Variants in SPRED1 observed in about 807,000 individuals in gnomAD.
SPRED1 encodes the protein sprouty-related, EVH1 domain-containing protein 1.
Under a neutral mutation model 52.3 loss-of-function variants are expected in SPRED1, and 18 were observed. The ratio of observed to expected loss-of-function variants is 0.34; its 90% CI spans 0.24 to 0.51. SPRED1 has a LOEUF of 0.51. SPRED1 is among the 20% of genes least tolerant of loss of function. The pLI is 0.97. For missense variants in SPRED1, 485 were observed against 551.0 expected, an observed-to-expected ratio of 0.88 and a Z score of 1.20; for synonymous variants, 155 against 179.7, an observed-to-expected ratio of 0.86 and a Z score of 1.10.
At chr15:38,347,799 CTT>C (rs35708691) in intron 5 of SPRED1, among the ~76,000 whole-genome samples, 3,268 of 152,072 alleles carry the variant, frequency 0.021, 51 homozygotes, top group Non-Finnish European at 0.033. Context: ...AGAAGCATCT[CTT>C]ATGACTTTTT....
At chr15:38,345,389 T>C (rs555380784) in intron 5 of SPRED1, among the ~76,000 whole-genome samples, 7 of 152,344 alleles carry the variant, frequency 4.6e-5, no homozygotes, top group African/African-American at 1.4e-4. Context: ...ACTATGTCTT[T>C]TGAATGTTTA....
chr15:38,337,119 G>C (rs1048622277), intron 4 of SPRED1, among the ~76,000 whole-genome samples: 3 of 152,012 alleles, frequency 2.0e-5, no homozygotes, highest in African/African-American at 7.2e-5. Flanking sequence ...TATTAAAATT[G>C]CTTTCCAGAA....
chr15:38,280,727 A>T (rs1376812645), intron 1 of SPRED1, among the ~76,000 whole-genome samples: 1 of 152,214 alleles, frequency 6.6e-6, no homozygotes, highest in Non-Finnish European at 1.5e-5. Context: ...TTGCCAAACC[A>T]CAATTTAGAA....
At chr15:38,259,457 G>A (rs964198687) in intron 1 of SPRED1, among the ~76,000 whole-genome samples, 2 of 152,082 alleles carry the variant, frequency 1.3e-5, no homozygotes, top group African/African-American at 4.8e-5. Context: ...TCCTGCCCAG[G>A]CTGGTCTCAA....
chr15:38,339,657 T>C (rs1410883181), intron 4 of SPRED1, 80 bp from the exon 5 acceptor site: 5 of 1,465,802 alleles, frequency 3.4e-6, no homozygotes, highest in Middle Eastern at 1.7e-4. Context: ...CTAAATACTT[T>C]TTAGAGTGAA....
chr15:38,318,062 T>C (rs1389818231), intron 2 of SPRED1, among the ~76,000 whole-genome samples: 1 of 152,084 alleles, frequency 6.6e-6, no homozygotes, highest in Non-Finnish European at 1.5e-5. Flanking sequence ...TAGACTGTTC[T>C]AGGAGGCATA....
chr15:38,345,211 A>G (rs1896108430), intron 5 of SPRED1, among the ~76,000 whole-genome samples: 1 of 152,170 alleles, frequency 6.6e-6, no homozygotes, highest in African/African-American at 2.4e-5. Flanking sequence ...CAAATAATTG[A>G]GTTTAAGAAA....
At chr15:38,289,117 G>T (rs1226899266) in intron 1 of SPRED1, among the ~76,000 whole-genome samples, 1 of 151,866 alleles carries the variant, frequency 6.6e-6, no homozygotes, top group Admixed American at 6.6e-5. Flanking sequence ...GCTAAAACAA[G>T]TTTTGCCATG....
Position 38,283,584 on chromosome 15 carries a change from A to G in SPRED1, c.33-15789A>G, listed in dbSNP as rs150437889. 826 of 746,526 alleles carry G rather than the reference A, an allele frequency of 1.1e-3. 9 individuals are homozygous for G. In the African/African-American group the frequency reaches 0.015, roughly 14 times the overall value. The allele number at this position is 746,526 out of a possible 1,614,324, so 46.2% of individuals were successfully genotyped here. On this transcript the variant is annotated intron_variant, in intron 1 of 6. Transcript: ENST00000299084. Reference sequence around the variant, plus strand: ...CATAGAAAATTGTAGAAAATGAAAAATATAATTGATGGAGAATATTTACTT... The same window carrying G: ...CATAGAAAATTGTAGAAAATGAAAAGTATAATTGATGGAGAATATTTACTT...
chr15:38,287,609 C>G (rs1011223226), intron 1 of SPRED1, among the ~76,000 whole-genome samples: 5 of 152,074 alleles, frequency 3.3e-5, no homozygotes. Context: ...TGTTTCACAT[C>G]TGTGAATTGA....
chr15:38,256,208 A>G (rs915135436), intron 1 of SPRED1, among the ~76,000 whole-genome samples: 10 of 152,148 alleles, frequency 6.6e-5, no homozygotes, highest in Non-Finnish European at 1.5e-4. Context: ...AAAAATAGTA[A>G]ACATACTCTA....
intron 4 of SPRED1, 57 bp from the exon 5 acceptor site, chr15:38,339,680 T>TGTG (rs1895990895): frequency 1.3e-6 from 2 of 1,546,596 alleles, no homozygotes; most frequent in African/African-American, 1.4e-5. Context: ...TATCTTATTT[T>TGTG]GTGGTGGTGG....
In SPRED1 at chr15:38,354,223, A is replaced by C. The variant is rs1320751750; in HGVS notation, c.*2559A>C. The C allele has an allele frequency of 6.6e-6, 1 of 152,224 alleles. No individual in the cohort carries two copies. Among genetic ancestry groups the C allele is most frequent in the Non-Finnish European group, 1.5e-5 (1 of 68,034 alleles). 9.4% of individuals were successfully genotyped at this position (152,224 alleles called of 1,614,324 possible). A position where few individuals can be genotyped will look rare whatever the true frequency, so the allele number is the denominator to read the frequency against. ...TGGGTAGTTTAAATCACTGATTCTTAAACATGTGTATAGGCACCTTCAGGA... is the reference window on the plus strand; with the variant it reads ...TGGGTAGTTTAAATCACTGATTCTTCAACATGTGTATAGGCACCTTCAGGA... On this transcript the variant is annotated 3_prime_UTR_variant, in exon 7 of 7. Transcript: ENST00000299084.
intron 2 of SPRED1, among the ~76,000 whole-genome samples, chr15:38,316,960 G>A (rs1251579121): frequency 5.3e-5 from 8 of 151,330 alleles, no homozygotes; most frequent in African/African-American, 1.9e-4. Flanking sequence ...TGTTGATTGA[G>A]TCCTACATTT....
chr15:38,263,337 C>CTA lies in SPRED1; in HGVS notation c.32+10123_32+10124dup, dbSNP rs528741125. Among the ~76,000 whole-genome samples, 136 of 152,178 alleles carry CTA rather than the reference C, an allele frequency of 8.9e-4. 1 individual carries two copies. Among genetic ancestry groups the CTA allele is most frequent in the Non-Finnish European group, 1.5e-3 (103 of 68,014 alleles). ...GAAAGTGTCCAACAAGGTGCTTTAA[C>CTA]TATAGGTTGAGTTCTCAAAAAGGTT... On this transcript the variant is annotated intron_variant, in intron 1 of 6. Coordinates refer to ENST00000299084, the MANE Select transcript of SPRED1 (RefSeq NM_152594.3).
intron 2 of SPRED1, among the ~76,000 whole-genome samples, chr15:38,308,963 T>A (rs1413845909): frequency 1.3e-5 from 2 of 152,230 alleles, no homozygotes; most frequent in Non-Finnish European, 2.9e-5. Flanking sequence ...GCAATCCATT[T>A]TCTAAGCATC....
At chr15:38,299,686 G>A (rs1895114810) in intron 2 of SPRED1, 139 bp downstream of exon 2, 1 of 879,706 alleles carries the variant, frequency 1.1e-6, no homozygotes, top group Non-Finnish European at 1.8e-6. Flanking sequence ...GTTAAAGGCA[G>A]TGAAATACAA....
intron 5 of SPRED1, among the ~76,000 whole-genome samples, chr15:38,343,080 AG>A (rs1260196260): frequency 1.3e-5 from 2 of 152,122 alleles, no homozygotes; most frequent in African/African-American, 4.8e-5. Flanking sequence ...AAGCCCAGGG[AG>A]GACAGTGATG....
At chr15:38,293,664 T>G (rs1278383547) in intron 1 of SPRED1, among the ~76,000 whole-genome samples, 2 of 152,216 alleles carry the variant, frequency 1.3e-5, no homozygotes, top group African/African-American at 4.8e-5. Context: ...TCTTGCTTAT[T>G]ATCATCCTGT....
Sources: gnomAD v4.1 joint callset for allele counts (sites outside exome capture counted in the v4.1 genomes callset) on GRCh38, gnomAD v4.1.1 for gene constraint, MANE v1.5 for transcripts, NCBI Gene and HGNC (gene_info 2026-07-23, HGNC 2026-07-21) for gene names.